The following SHTN1 variants were observed in gnomAD, a reference collection of about 807,000 sequenced individuals.
SHTN1 encodes shootin-1.
SHTN1 carries 42 observed loss-of-function variants against 83.1 expected under a neutral mutation model. That is an observed-to-expected ratio of 0.51 (90% CI 0.39 to 0.65). SHTN1 has a LOEUF of 0.65. Among genes scored for constraint, SHTN1 ranks in the 30% least tolerant of loss-of-function variants. The probability of loss-of-function intolerance (pLI) is 0.00; values close to 1 mark genes in which losing one functional copy is unlikely to be tolerated. For synonymous variants in SHTN1, 224 were observed against 247.7 expected, an observed-to-expected ratio of 0.90 and a Z score of 0.90; for missense variants, 622 against 737.8, an observed-to-expected ratio of 0.84 and a Z score of 1.82.
chr10:117,110,756 T>C (rs1340011779), intron 1 of SHTN1, among the ~76,000 whole-genome samples: 1 of 152,186 alleles, frequency 6.6e-6, no homozygotes, highest in Non-Finnish European at 1.5e-5. Context: ...ACAGCTACCA[T>C]ACATTCACAG....
chr10:116,961,769 T>C (rs757891464), intron 3 of SHTN1, among the ~76,000 whole-genome samples: 2 of 152,116 alleles, frequency 1.3e-5, no homozygotes, highest in Non-Finnish European at 2.9e-5. Flanking sequence ...ATCTGACACA[T>C]TGGAAGTGGC....
At chr10:117,004,922 G>T in intron 1 of SHTN1, 100 bp downstream of exon 1, 1 of 1,084,464 alleles carries the variant, frequency 9.2e-7, no homozygotes, top group Non-Finnish European at 1.3e-6. Context: ...CGGCCGCCAC[G>T]TCTCCCGCCC....
In SHTN1 at chr10:116,881,511, A is replaced by G. The variant is rs1309443482; in HGVS notation, c.*4833T>C. 1 of 1,534,920 alleles carries G rather than the reference A, an allele frequency of 6.5e-7. No homozygotes were observed. The highest frequency in any genetic ancestry group is 8.8e-7 in the Non-Finnish European group (1 of 1,141,140). On this transcript the variant is annotated 3_prime_UTR_variant, in exon 17 of 17. Coordinates refer to ENST00000355371, the MANE Select transcript of SHTN1 (RefSeq NM_001127211.3). The stretch of plus-strand genomic sequence containing the variant: ...ACAGTAAACTTTATTGTTACTTTAA[A>G]TAGGTTTCAAAGAAGAACACACTTT...
chr10:116,935,318 T>C (rs1440508256), intron 9 of SHTN1, among the ~76,000 whole-genome samples: 1 of 152,110 alleles, frequency 6.6e-6, no homozygotes, highest in East Asian at 1.9e-4. Flanking sequence ...AAATAGCTCT[T>C]ATTATTTTGA....
chr10:116,902,983 T>TAC (rs1847807769), intron 15 of SHTN1, among the ~76,000 whole-genome samples: 1 of 152,194 alleles, frequency 6.6e-6, no homozygotes, highest in Non-Finnish European at 1.5e-5. Context: ...GTGCCTGATA[T>TAC]ACTCAGTATA....
At chr10:116,960,560 A>C (rs1461931554) in intron 3 of SHTN1, among the ~76,000 whole-genome samples, 1 of 152,216 alleles carries the variant, frequency 6.6e-6, no homozygotes, top group Non-Finnish European at 1.5e-5. Flanking sequence ...AGTTTAAACA[A>C]AAGAATATTT....
intron 9 of SHTN1, among the ~76,000 whole-genome samples, chr10:116,933,926 G>A (rs927346208): frequency 6.6e-6 from 1 of 152,156 alleles, no homozygotes; most frequent in African/African-American, 2.4e-5. Context: ...CAGTGATGAT[G>A]AGCTTTTTTT....
At chr10:116,897,927 T>C (rs1172626845) in intron 16 of SHTN1, among the ~76,000 whole-genome samples, 1 of 152,218 alleles carries the variant, frequency 6.6e-6, no homozygotes, top group Non-Finnish European at 1.5e-5. Context: ...CAGGCTTTTA[T>C]TGATTAAAAT....
At chr10:116,947,125 AG>A (rs1464410846) in intron 7 of SHTN1, among the ~76,000 whole-genome samples, 2 of 152,324 alleles carry the variant, frequency 1.3e-5, no homozygotes, top group African/African-American at 4.8e-5. Flanking sequence ...AGTTACTGCA[AG>A]ACCGAAAGCT....
chr10:117,049,481 T>C (rs1188762326), intron 1 of SHTN1, among the ~76,000 whole-genome samples: 1 of 152,228 alleles, frequency 6.6e-6, no homozygotes, highest in Non-Finnish European at 1.5e-5. Context: ...AAATTATTTG[T>C]TTAATTATTT....
At chr10:116,901,143 C>T in intron 16 of SHTN1, 3 of 985,348 alleles carry the variant, frequency 3.0e-6, no homozygotes, top group Non-Finnish European at 3.6e-6. Context: ...TAAAGCAAAA[C>T]TGTAGACTAA....
chr10:117,077,635 C>G (rs985848318), intron 1 of SHTN1, among the ~76,000 whole-genome samples: 2 of 152,110 alleles, frequency 1.3e-5, no homozygotes, highest in African/African-American at 2.4e-5. Context: ...CCGCTCCCCC[C>G]ACCCCACAAC....
intron 2 of SHTN1, among the ~76,000 whole-genome samples, chr10:116,972,098 G>A (rs1261080340): frequency 6.6e-6 from 1 of 152,144 alleles, no homozygotes; most frequent in Non-Finnish European, 1.5e-5. Context: ...TTAAGGCCCA[G>A]GTAGACAAGC....
chr10:117,024,348 CTTTTTTT>C lies in SHTN1; in HGVS notation c.-123+24090_-123+24096del, dbSNP rs1174576153. Among the ~76,000 whole-genome samples the C allele has an allele frequency of 1.4e-3, 109 of 77,690 alleles. 1 individual carries two copies. Among genetic ancestry groups the C allele is most frequent in the South Asian group, 3.2e-3 (7 of 2,212 alleles). 51.0% of individuals were successfully genotyped at this position (77,690 alleles called of 152,430 possible). The stretch of plus-strand genomic sequence containing the variant: ...GATGTATACACTTGTCAAAACTTTT[CTTTTTTT>C]TTTTTTTTTTTTTTTTTGAGACGGA... On this transcript the variant is annotated intron_variant, in intron 2 of 17. Coordinates refer to the SHTN1 transcript ENST00000392901.
intron 1 of SHTN1, among the ~76,000 whole-genome samples, chr10:117,050,527 G>T (rs1019842355): frequency 3.9e-5 from 6 of 152,060 alleles, no homozygotes; most frequent in Admixed American, 2.0e-4. Flanking sequence ...ACCTTAATTA[G>T]CAAGAAAAAG....
intron 16 of SHTN1, among the ~76,000 whole-genome samples, chr10:116,893,832 A>T (rs1220906279): frequency 6.6e-6 from 1 of 152,212 alleles, no homozygotes; most frequent in Admixed American, 6.5e-5. Flanking sequence ...CCCTAAAGTA[A>T]GTTAAGAATC....
chr10:116,980,649 C>T (rs923484235), intron 1 of SHTN1, among the ~76,000 whole-genome samples: 18 of 151,744 alleles, frequency 1.2e-4, no homozygotes, highest in Non-Finnish European at 2.9e-5. Context: ...ATAAAAAATC[C>T]GAAACCAGTG....
At chr10:117,109,071 A>C (rs1348604197) in intron 1 of SHTN1, among the ~76,000 whole-genome samples, 2 of 152,202 alleles carry the variant, frequency 1.3e-5, no homozygotes, top group African/African-American at 4.8e-5. Flanking sequence ...ATGCACACTA[A>C]AGTTTAAGAA....
At chr10:116,910,702 A>G (rs1465910147) in intron 14 of SHTN1, among the ~76,000 whole-genome samples, 1 of 152,116 alleles carries the variant, frequency 6.6e-6, no homozygotes, top group Admixed American at 6.5e-5. Flanking sequence ...AAACACAACA[A>G]AAGAGACTGT....
Sources: allele counts gnomAD v4.1 joint callset (sites outside exome capture counted in the v4.1 genomes callset), GRCh38; gene constraint gnomAD v4.1.1; transcripts MANE v1.5; gene names NCBI Gene and HGNC (gene_info 2026-07-23, HGNC 2026-07-21).